Variants in GADL1 observed in about 807,000 individuals in gnomAD.
GADL1 encodes GAD like acidic amino acid decarboxylase 1.
Under a neutral mutation model 69.5 loss-of-function variants are expected in GADL1, and 71 were observed. The ratio of observed to expected loss-of-function variants is 1.02; its 90% CI spans 0.84 to 1.25. The LOEUF is 1.25. Ranked by LOEUF, GADL1 falls within the 50% of genes most tolerant of loss-of-function variation. The pLI, the probability that GADL1 is intolerant of heterozygous loss-of-function variation, is 0.00. For synonymous variants in GADL1, 254 were observed against 214.4 expected (o/e 1.18, Z -1.62); for missense variants, 737 against 631.8 (o/e 1.17, Z -1.79).
intron 1 of GADL1, among the ~76,000 whole-genome samples, chr3:30,892,931 A>T (rs1358269040): frequency 6.6e-6 from 1 of 152,164 alleles, no homozygotes; most frequent in Non-Finnish European, 1.5e-5. Flanking sequence ...ATCTTGGCTC[A>T]CTGCAGGCTC....
intron 1 of GADL1, among the ~76,000 whole-genome samples, chr3:30,889,051 G>A (rs1698747835): frequency 1.7e-5 from 2 of 117,778 alleles, no homozygotes; most frequent in African/African-American, 6.6e-5. Flanking sequence ...TTTTCATACT[G>A]CTATGAAGAA....
At chr3:30,863,603 C>G (rs1006911509) in intron 1 of GADL1, among the ~76,000 whole-genome samples, 1 of 151,860 alleles carries the variant, frequency 6.6e-6, no homozygotes, top group Admixed American at 6.6e-5. Flanking sequence ...TGTATATGTT[C>G]ATTTAATTGT....
At chr3:30,844,529 C>T (rs1025937576) in intron 6 of GADL1, 63 bp from the exon 7 acceptor site, 15 of 1,059,370 alleles carry the variant, frequency 1.4e-5, no homozygotes, top group Non-Finnish European at 2.2e-5. Flanking sequence ...AAAAGCATTG[C>T]TTATTATCAA....
chr3:30,754,742 G>GT (rs2125480596), intron 14 of GADL1, among the ~76,000 whole-genome samples: 1 of 152,276 alleles, frequency 6.6e-6, no homozygotes, highest in East Asian at 1.9e-4. Flanking sequence ...GCAGTGAGAT[G>GT]TTTACTATGT....
chr3:30,776,040 C>T (rs556916734), intron 14 of GADL1, among the ~76,000 whole-genome samples: 3 of 151,860 alleles, frequency 2.0e-5, no homozygotes, highest in African/African-American at 7.3e-5. Context: ...GAGCAGAGAT[C>T]GTGCCATTGC....
intron 14 of GADL1, among the ~76,000 whole-genome samples, chr3:30,767,188 C>T (rs988874295): frequency 1.3e-5 from 2 of 152,134 alleles, no homozygotes; most frequent in African/African-American, 4.8e-5. Flanking sequence ...CATGGTCATG[C>T]AGCCAGTGAG....
intron 11 of GADL1, among the ~76,000 whole-genome samples, chr3:30,803,053 C>T (rs185758951): frequency 9.6e-4 from 146 of 152,286 alleles, no homozygotes; most frequent in Non-Finnish European, 6.0e-4. Flanking sequence ...GAGCACACCA[C>T]AGCTCACCAG....
At chr3:30,798,656 C>T (rs1016004727) in intron 12 of GADL1, 7 of 152,156 alleles carry the variant, frequency 4.6e-5, no homozygotes, top group Non-Finnish European at 7.3e-5. Flanking sequence ...TCACACCTTC[C>T]CAACAGTCCC....
chr3:30,755,823 A>AT (rs1559488947), intron 14 of GADL1, among the ~76,000 whole-genome samples: 1 of 100,110 alleles, frequency 1.0e-5, no homozygotes, highest in African/African-American at 8.3e-5. Flanking sequence ...TGCCAAAGGT[A>AT]CTTTTTTTCC....
In GADL1 at chr3:30,741,190, A is replaced by ATATGTGTGTGTGTGTGTGTGTG. The variant is rs747105488; in HGVS notation, c.1393-12776_1393-12775insCACACACACACACACACACATA. On this transcript the variant is annotated intron_variant, in intron 14 of 14. Transcript: ENST00000282538. Reference sequence around the variant, plus strand: ...TAAATATTATATATATTATATAATTATGTGTGTGTGTGTGTGTGTGTGTGT... The same window carrying ATATGTGTGTGTGTGTGTGTGTG: ...TAAATATTATATATATTATATAATTATATGTGTGTGTGTGTGTGTGTGTGTGTGTGTGTGTGTGTGTGTGTGT... 6.0e-5 allele frequency among the ~76,000 whole-genome samples: 8 copies of ATATGTGTGTGTGTGTGTGTGTG among 132,638 alleles called. No homozygotes were observed. In the South Asian group the frequency reaches 6.9e-4, roughly 11 times the overall value. 87.0% of individuals were successfully genotyped at this position (132,638 alleles called of 152,430 possible).
At chr3:30,748,638 T>C (rs942879737) in intron 14 of GADL1, among the ~76,000 whole-genome samples, 7 of 152,214 alleles carry the variant, frequency 4.6e-5, no homozygotes, top group African/African-American at 9.6e-5. Context: ...TTAAACATTT[T>C]CTGGAACTCA....
chr3:30,766,829 G>T (rs964157833), intron 14 of GADL1, among the ~76,000 whole-genome samples: 3 of 139,946 alleles, frequency 2.1e-5, no homozygotes, highest in African/African-American at 8.0e-5. Context: ...AATGATCATA[G>T]ACTTTCCTAT....
At chr3:30,768,040 C>G (rs116686311) in intron 14 of GADL1, among the ~76,000 whole-genome samples, 2 of 148,990 alleles carry the variant, frequency 1.3e-5, no homozygotes, top group South Asian at 2.1e-4. Flanking sequence ...CCCATACCCC[C>G]CCCCCCCTTA....
At chr3:30,744,486 G>A (rs1055886590) in intron 14 of GADL1, among the ~76,000 whole-genome samples, 1 of 152,104 alleles carries the variant, frequency 6.6e-6, no homozygotes, top group Non-Finnish European at 1.5e-5. Context: ...TGATGGGAGA[G>A]GGTCATTTAA....
At chr3:30,751,055 A>G (rs75233114) in intron 14 of GADL1, among the ~76,000 whole-genome samples, 91 of 152,138 alleles carry the variant, frequency 6.0e-4, no homozygotes, top group African/African-American at 2.2e-3. Context: ...CAAAAGAACA[A>G]CAGGTGCAGC....
At position 30,861,680 on chromosome 3, in the gene GADL1, A is replaced by G; in HGVS notation, c.123T>C (p.Asp41=). 6.5e-7 allele frequency: 1 copy of G among 1,550,338 alleles called. No homozygotes were observed. Among genetic ancestry groups the G allele is most frequent in the East Asian group, 2.4e-5 (1 of 40,860 alleles). ...CAACAAATTTTTCTCCAGCTTTTGC[A>G]TCTGTTGTAGGACCATTCAGCACAA... ...DGVVLNGPTT[D]AKAGEKFVEE... Residue 41 remains aspartate, a synonymous_variant, in exon 2 of 15, where the codon GAT becomes GAC. Transcript: ENST00000282538.
chr3:30,744,680 C>T (rs1386045796), intron 14 of GADL1, among the ~76,000 whole-genome samples: 2 of 152,110 alleles, frequency 1.3e-5, no homozygotes, highest in African/African-American at 4.8e-5. Context: ...CACCACCGCA[C>T]TCCAGCCTGG....
intron 11 of GADL1, among the ~76,000 whole-genome samples, chr3:30,802,881 C>T (rs1455155059): frequency 6.6e-6 from 1 of 152,166 alleles, no homozygotes; most frequent in Non-Finnish European, 1.5e-5. Context: ...AAGAGGATCA[C>T]CTGAGGCCAG....
intron 9 of GADL1, among the ~76,000 whole-genome samples, chr3:30,838,046 G>A (rs2125525692): frequency 6.6e-6 from 1 of 152,182 alleles, no homozygotes; most frequent in African/African-American, 2.4e-5. Context: ...CACTTTGAAA[G>A]CATAAAATCA....
Sources: gnomAD v4.1 joint callset for allele counts (sites outside exome capture counted in the v4.1 genomes callset) on GRCh38, gnomAD v4.1.1 for gene constraint, MANE v1.5 for transcripts, NCBI Gene and HGNC (gene_info 2026-07-23, HGNC 2026-07-21) for gene names.